The following SLC36A1 variants were observed in gnomAD, a reference collection of about 807,000 sequenced individuals.
SLC36A1 encodes solute carrier family 36 member 1, also known as proton-coupled amino acid transporter 1.
In SLC36A1, 30 loss-of-function variants were observed where a neutral mutation model predicts 47.5. The observed-to-expected ratio is 0.63, with a 90% CI of 0.47 to 0.86. The LOEUF is 0.86. Ranked by LOEUF, SLC36A1 falls within the 40% of genes least tolerant of loss-of-function variation. SLC36A1 has a pLI of 0.00. For synonymous variants in SLC36A1, 255 were observed against 249.7 expected, an observed-to-expected ratio of 1.02 and a Z score of -0.20; for missense variants, 517 against 606.0, an observed-to-expected ratio of 0.85 and a Z score of 1.54.
chr5:151,512,566 C>T, the SLC36A1 span: 2 of 1,613,826 alleles, frequency 1.2e-6, no homozygotes, highest in Non-Finnish European at 1.7e-6. The surrounding 1 kb of genome is among the most constrained non-coding windows in gnomAD (Gnocchi z 4.1). Flanking sequence ...ATAGAAACCA[C>T]CCAGACAGTG....
In SLC36A1 at chr5:151,473,690, C is replaced by T; in HGVS notation, c.741C>T (p.Ser247=). ...QFIVQRIPDP[S]HLPLVAPWKT... is the part of the protein sequence containing the mutation. The stretch of plus-strand genomic sequence containing the variant: ...TCTTTCAGAGGATCCCAGACCCCAG[C>T]CACCTCCCCTTGGTGGCCCCTTGGA... The change falls in exon 8 of 11, where the codon AGC becomes AGT. Residue 247 remains serine (S), a synonymous_variant. Transcript: ENST00000243389. 1.2e-6 allele frequency: 2 copies of T among 1,613,020 alleles called. No individual in the cohort carries two copies. Among genetic ancestry groups the T allele is most frequent in the East Asian group, 2.2e-5 (1 of 44,872 alleles).
At chr5:151,551,326 T>C in the SLC36A1 span, 1 of 823,626 alleles carries the variant, frequency 1.2e-6, no homozygotes, top group East Asian at 2.5e-5. Flanking sequence ...AAGTAGAGAG[T>C]GTATTAGACA....
chr5:151,551,566 T>C, the SLC36A1 span: 5 of 1,614,224 alleles, frequency 3.1e-6, no homozygotes, highest in Non-Finnish European at 3.4e-6. Flanking sequence ...CGATGCTGCC[T>C]GTGGTCTTCT....
At chr5:151,540,246 G>A in the SLC36A1 span, among the ~76,000 whole-genome samples, 1 of 152,180 alleles carries the variant, frequency 6.6e-6, no homozygotes, top group Non-Finnish European at 1.5e-5. Context: ...TACCTAGAAT[G>A]GTCCCTGCCC....
At chr5:151,476,557 C>T (rs1758079367) in intron 8 of SLC36A1, 33 bp from the exon 9 acceptor site, 7 of 1,399,950 alleles carry the variant, frequency 5.0e-6, no homozygotes, top group South Asian at 4.0e-5. Context: ...CTTTTTTCTG[C>T]ACTTTCTCTC....
At chr5:151,553,110 G>A in the SLC36A1 span, 1 of 1,511,326 alleles carries the variant, frequency 6.6e-7, no homozygotes, top group Non-Finnish European at 9.2e-7. Flanking sequence ...ACTGTAGCAG[G>A]AAAACTAGAG....
chr5:151,351,940 C>T, the SLC36A1 span, among the ~76,000 whole-genome samples: 2 of 152,204 alleles, frequency 1.3e-5, no homozygotes, highest in African/African-American at 4.8e-5. Context: ...CCACAACCCA[C>T]AAGGTCCTGC....
the SLC36A1 span, among the ~76,000 whole-genome samples, chr5:151,519,792 T>C: frequency 6.6e-6 from 1 of 152,184 alleles, no homozygotes; most frequent in African/African-American, 2.4e-5. Flanking sequence ...CTGATTCTGG[T>C]GATCCATGAG....
chr5:151,534,342 G>T, the SLC36A1 span: 1 of 1,316,438 alleles, frequency 7.6e-7, no homozygotes, highest in Non-Finnish European at 1.1e-6. Flanking sequence ...ACACAAAGGG[G>T]ACCAAACCCT....
chr5:151,485,880 A>T (rs1390901931), intron 10 of SLC36A1, among the ~76,000 whole-genome samples: 1 of 152,192 alleles, frequency 6.6e-6, no homozygotes, highest in Non-Finnish European at 1.5e-5. Context: ...AAATGTGGCT[A>T]GTGTGAATGA....
the SLC36A1 span, among the ~76,000 whole-genome samples, chr5:151,381,604 GTCC>G: frequency 6.6e-6 from 1 of 152,196 alleles, no homozygotes; most frequent in South Asian, 2.1e-4. Context: ...CCATAAACTG[GTCC>G]TAAGATCAGT....
At chr5:151,400,160 TCCTC>T in the SLC36A1 span, among the ~76,000 whole-genome samples, 127 of 152,200 alleles carry the variant, frequency 8.3e-4, no homozygotes, top group African/African-American at 2.9e-3. Context: ...TTGCTCCCCT[TCCTC>T]CCCCGTCTAG....
At chr5:151,526,043 A>G in the SLC36A1 span, 2 of 1,384,474 alleles carry the variant, frequency 1.4e-6, no homozygotes, top group East Asian at 4.9e-5. Flanking sequence ...TGGGTATGTC[A>G]TCTGGAATGA....
chr5:151,542,758 A>G, the SLC36A1 span: 2 of 1,614,186 alleles, frequency 1.2e-6, no homozygotes, highest in African/African-American at 1.3e-5. Flanking sequence ...ATTGTCATTG[A>G]CGTCTCCCAC....
At chr5:151,467,435 A>G (rs534395048) in intron 6 of SLC36A1, 152 bp downstream of exon 6, 7 of 658,756 alleles carry the variant, frequency 1.1e-5, no homozygotes, top group South Asian at 4.0e-5. Context: ...TACGTCTTCT[A>G]TTTGATTCCC....
chr5:151,489,093 A>G lies in SLC36A1; in HGVS notation c.*839A>G, dbSNP rs1488986211. 6.6e-6 allele frequency: 1 copy of G among 152,024 alleles called. No homozygotes were observed. Among genetic ancestry groups the G allele is most frequent in the Non-Finnish European group, 1.5e-5 (1 of 68,020 alleles). 9.4% of individuals were successfully genotyped at this position (152,024 alleles called of 1,614,324 possible). A position where few individuals can be genotyped will look rare whatever the true frequency, so the allele number is the denominator to read the frequency against. On this transcript the variant is annotated 3_prime_UTR_variant, in exon 11 of 11. Coordinates refer to ENST00000243389, the MANE Select transcript of SLC36A1 (RefSeq NM_078483.4). The surrounding 1 kb of genome is among the most constrained non-coding windows in gnomAD (Gnocchi z 4.5). ...CCAGATGTCTGCATGGGTCCTCGGC[A>G]CTCTTGGCTGAGGACTCAAAGGTTT...
At chr5:151,410,039 T>C in the SLC36A1 span, among the ~76,000 whole-genome samples, 4 of 152,348 alleles carry the variant, frequency 2.6e-5, no homozygotes, top group African/African-American at 9.6e-5. Context: ...TAACAATAGG[T>C]TTCGGAGATA....
chr5:151,386,905 C>T, the SLC36A1 span, among the ~76,000 whole-genome samples: 13 of 152,280 alleles, frequency 8.5e-5, no homozygotes, highest in African/African-American at 2.4e-4. Flanking sequence ...AGAACCTAAC[C>T]AATGTGCTTC....
chr5:151,509,981 T>G, the SLC36A1 span: 31 of 1,603,482 alleles, frequency 1.9e-5, no homozygotes, highest in Non-Finnish European at 2.5e-5. Context: ...GCGCATTCCC[T>G]AACAAGGAGC....
Sources: gnomAD v4.1 joint callset for allele counts (sites outside exome capture counted in the v4.1 genomes callset) on GRCh38, gnomAD v4.1.1 for gene constraint, Gnocchi (gnomAD v3.1) non-coding constraint, MANE v1.5 for transcripts, NCBI Gene and HGNC (gene_info 2026-07-23, HGNC 2026-07-21) for gene names.